FGF14: variants seen among roughly 807,000 people sequenced by gnomAD.
FGF14 encodes the protein fibroblast growth factor homologous factor 4.
Under a neutral mutation model 25.5 loss-of-function variants are expected in FGF14, and 5 were observed. That is an observed-to-expected ratio of 0.20 (90% CI 0.10 to 0.41). The LOEUF (loss-of-function observed/expected upper bound fraction) is 0.41. Among genes scored for constraint, FGF14 ranks in the 10% least tolerant of loss-of-function variants. The pLI is 1.00. For synonymous variants in FGF14, 138 were observed against 118.3 expected, an observed-to-expected ratio of 1.17 and a Z score of -1.08; for missense variants, 222 against 320.1, an observed-to-expected ratio of 0.69 and a Z score of 2.34.
chr13:101,752,150 C>G (rs546074205), intron 3 of FGF14, among the ~76,000 whole-genome samples: 3 of 152,272 alleles, frequency 2.0e-5, no homozygotes, highest in African/African-American at 4.8e-5. Flanking sequence ...CTTTGATACA[C>G]TTTAACTCCT....
At chr13:102,341,460 C>A (rs530141628) in intron 1 of FGF14, among the ~76,000 whole-genome samples, 4 of 152,228 alleles carry the variant, frequency 2.6e-5, no homozygotes, top group African/African-American at 9.6e-5. Context: ...CAATAGCAGG[C>A]TTTGAAGAAT....
rs369846729 is a variant in FGF14, at chr13:102,280,501, G to C, written c.208+120970C>G. Among the ~76,000 whole-genome samples, 11 of 152,292 alleles carry C rather than the reference G, an allele frequency of 7.2e-5. No homozygotes were observed. The East Asian group carries it at 2.1e-3, about 29-fold the overall frequency. On this transcript the variant is annotated intron_variant, in intron 1 of 4. Transcript: ENST00000376131. Reference sequence around the variant, plus strand: ...GGGCAAGCCATCAGTGAGAGTGGAGGGGGCAGTGGTCAGCAATGGAACAGG... The same window carrying C: ...GGGCAAGCCATCAGTGAGAGTGGAGCGGGCAGTGGTCAGCAATGGAACAGG...
At chr13:101,978,449 CA>C (rs1378572931) in intron 1 of FGF14, among the ~76,000 whole-genome samples, 1 of 151,952 alleles carries the variant, frequency 6.6e-6, no homozygotes, top group Non-Finnish European at 1.5e-5. Flanking sequence ...AAATAGCATC[CA>C]AAAAACACTG....
At chr13:101,861,453 C>T (rs2044410865) in intron 3 of FGF14, among the ~76,000 whole-genome samples, 1 of 152,104 alleles carries the variant, frequency 6.6e-6, no homozygotes, top group African/African-American at 2.4e-5. Context: ...TCTCCATACC[C>T]AGACAACCAT....
chr13:101,781,822 T>C (rs574319262), intron 3 of FGF14, among the ~76,000 whole-genome samples: 16 of 152,358 alleles, frequency 1.1e-4, no homozygotes, highest in African/African-American at 3.8e-4. Context: ...TTAATATTAC[T>C]AGGTAATTGA....
chr13:102,067,351 T>A (rs2042945176), intron 1 of FGF14, among the ~76,000 whole-genome samples: 1 of 152,262 alleles, frequency 6.6e-6, no homozygotes, highest in East Asian at 1.9e-4. Context: ...AACACTTTTT[T>A]ATTATTTCAT....
intron 1 of FGF14, among the ~76,000 whole-genome samples, chr13:102,218,547 A>T (rs928237313): frequency 6.6e-6 from 1 of 151,960 alleles, no homozygotes; most frequent in Non-Finnish European, 1.5e-5. Context: ...TATTAGAGGA[A>T]AAATCCCATC....
At chr13:102,198,028 A>C (rs2049441227) in intron 1 of FGF14, among the ~76,000 whole-genome samples, 1 of 152,204 alleles carries the variant, frequency 6.6e-6, no homozygotes. Flanking sequence ...TCCTCTTCTA[A>C]CTGGGCACCG....
In FGF14 at chr13:101,745,884, C is replaced by T. The variant is rs192763731; in HGVS notation, c.409-19074G>A. On this transcript the variant is annotated intron_variant, in intron 3 of 4. Coordinates refer to ENST00000376143, the MANE Select transcript of FGF14 (RefSeq NM_004115.4). ...GGGGAATGAAGATGGAAACAGTTTG[C>T]TTGGGCAGAGTGCTCGCAAGATTGT... 6.1e-4 allele frequency among the ~76,000 whole-genome samples: 92 copies of T among 152,038 alleles called. No individual in the cohort carries two copies. In the Middle Eastern group the frequency reaches 0.01, roughly 17 times the overall value.
At chr13:101,880,563 C>T (rs1271273667) in intron 1 of FGF14, among the ~76,000 whole-genome samples, 1 of 152,170 alleles carries the variant, frequency 6.6e-6, no homozygotes, top group Non-Finnish European at 1.5e-5. Flanking sequence ...AAAACTCCAT[C>T]TCAAAAACAA....
intron 1 of FGF14, among the ~76,000 whole-genome samples, chr13:102,195,948 A>T (rs1336846899): frequency 1.3e-5 from 2 of 152,150 alleles, no homozygotes; most frequent in African/African-American, 4.8e-5. Flanking sequence ...GTAGACAGAC[A>T]GAAAACAGAA....
chr13:101,905,408 T>A (rs1242231895), intron 1 of FGF14, among the ~76,000 whole-genome samples: 2 of 152,118 alleles, frequency 1.3e-5, no homozygotes, highest in African/African-American at 4.8e-5. Flanking sequence ...TGCAGGGACA[T>A]GGATGAAGCT....
At chr13:102,174,492 C>G (rs2048367901) in intron 1 of FGF14, among the ~76,000 whole-genome samples, 1 of 151,778 alleles carries the variant, frequency 6.6e-6, no homozygotes, top group South Asian at 2.1e-4. Context: ...ATCAACAACA[C>G]TCAAACTGAG....
chr13:102,157,076 T>A (rs1042439551), intron 1 of FGF14, among the ~76,000 whole-genome samples: 1 of 152,090 alleles, frequency 6.6e-6, no homozygotes, highest in Non-Finnish European at 1.5e-5. Flanking sequence ...AAAATGGCCA[T>A]ACTGCCCAAG....
chr13:102,221,623 A>ACACACAC (rs1555381644), intron 1 of FGF14, among the ~76,000 whole-genome samples: 2 of 149,998 alleles, frequency 1.3e-5, no homozygotes, highest in African/African-American at 4.9e-5. Context: ...CAAACACACA[A>ACACACAC]ACACACACAC....
chr13:101,991,414 A>G (rs2038897206), intron 1 of FGF14, among the ~76,000 whole-genome samples: 1 of 152,148 alleles, frequency 6.6e-6, no homozygotes, highest in African/African-American at 2.4e-5. Context: ...TAAGGAGAAT[A>G]CAGTGGAAAA....
At chr13:101,906,058 A>G (rs16959456) in intron 1 of FGF14, among the ~76,000 whole-genome samples, 6,306 of 152,230 alleles carry the variant, frequency 0.041, 463 homozygotes, top group African/African-American at 0.14. Flanking sequence ...CCTTTAATTC[A>G]TCAGGTATGA....
chr13:101,858,220 T>G (rs945769807), intron 3 of FGF14, among the ~76,000 whole-genome samples: 1 of 117,018 alleles, frequency 8.5e-6, no homozygotes, highest in Non-Finnish European at 1.8e-5. Flanking sequence ...GGAAGAAGAA[T>G]AATTATCTTA....
intron 1 of FGF14, among the ~76,000 whole-genome samples, chr13:102,161,623 A>AT (rs1594217463): frequency 2.1e-4 from 4 of 19,352 alleles, no homozygotes; most frequent in African/African-American, 1.2e-3. Flanking sequence ...GAAGAAGAAG[A>AT]AGAAGAAGAA....
Sources: gnomAD v4.1 joint callset for allele counts (sites outside exome capture counted in the v4.1 genomes callset) on GRCh38, gnomAD v4.1.1 for gene constraint, MANE v1.5 for transcripts, NCBI Gene and HGNC (gene_info 2026-07-23, HGNC 2026-07-21) for gene names.